ADAMTSL1: variants seen among roughly 807,000 people sequenced by gnomAD.
The protein encoded by ADAMTSL1 is ADAMTS like 1.
In ADAMTSL1, 126 loss-of-function variants were observed where a neutral mutation model predicts 201.8. That is an observed-to-expected ratio of 0.62 (90% CI 0.54 to 0.72). ADAMTSL1 has a LOEUF of 0.72. ADAMTSL1 is among the 30% of genes least tolerant of loss of function. The pLI, the probability that ADAMTSL1 is intolerant of heterozygous loss-of-function variation, is 0.00. For missense variants in ADAMTSL1, 2,679 were observed against 2,277.8 expected, an observed-to-expected ratio of 1.18 and a Z score of -3.59; for synonymous variants, 1,121 against 903.4, an observed-to-expected ratio of 1.24 and a Z score of -4.32.
At chr9:18,082,062 G>A (rs1443931651) in intron 1 of ADAMTSL1, among the ~76,000 whole-genome samples, 1 of 152,134 alleles carries the variant, frequency 6.6e-6, no homozygotes, top group Non-Finnish European at 1.5e-5. Flanking sequence ...ATTTTCCAGT[G>A]AAGTACTTTT....
intron 13 of ADAMTSL1, among the ~76,000 whole-genome samples, chr9:18,693,127 A>C (rs1222527580): frequency 6.6e-6 from 1 of 152,258 alleles, no homozygotes; most frequent in Non-Finnish European, 1.5e-5. Flanking sequence ...ACCTAGGAAC[A>C]GTTCCAAAAT....
intron 2 of ADAMTSL1, among the ~76,000 whole-genome samples, chr9:18,409,396 A>G (rs1195511496): frequency 1.3e-5 from 2 of 150,938 alleles, no homozygotes; most frequent in East Asian, 3.9e-4. Flanking sequence ...AAAAAAAAAA[A>G]AAAAAAAAGA....
At chr9:18,633,314 G>A (rs1474111119) in intron 5 of ADAMTSL1, among the ~76,000 whole-genome samples, 6 of 151,630 alleles carry the variant, frequency 4.0e-5, no homozygotes, top group South Asian at 2.1e-4. Flanking sequence ...AGTCTCGGCC[G>A]GGTGTGGTGG....
At chr9:18,205,298 C>G (rs1829603278) in intron 2 of ADAMTSL1, among the ~76,000 whole-genome samples, 1 of 152,060 alleles carries the variant, frequency 6.6e-6, no homozygotes, top group Non-Finnish European at 1.5e-5. Context: ...TAATTGAATT[C>G]TAAGAGAAGA....
At chr9:18,709,726 C>T (rs1300938458) in intron 14 of ADAMTSL1, among the ~76,000 whole-genome samples, 1 of 152,164 alleles carries the variant, frequency 6.6e-6, no homozygotes, top group Non-Finnish European at 1.5e-5. Flanking sequence ...TAATTTCCCA[C>T]ATGTGAACTG....
chr9:18,795,588 G>A lies in ADAMTSL1; in HGVS notation c.3805+64G>A, dbSNP rs540975674. ...TTTATTGAATGAGTGCCTATAGTGT[G>A]TCAAACAGGCCCAGAGATGCATAGA... On this transcript the variant is annotated intron_variant, in intron 20 of 28. Coordinates refer to ENST00000380548, the MANE Select transcript of ADAMTSL1 (RefSeq NM_001040272.6). 1.3e-4 allele frequency: 195 copies of A among 1,508,062 alleles called. No homozygotes were observed. In the African/African-American group the frequency reaches 2.5e-3, roughly 19 times the overall value. 93.4% of individuals were successfully genotyped at this position (1,508,062 alleles called of 1,614,324 possible). A position where few individuals can be genotyped will look rare whatever the true frequency, so the allele number is the denominator to read the frequency against.
chr9:18,053,730 C>A (rs1380864244), intron 1 of ADAMTSL1, among the ~76,000 whole-genome samples: 6 of 152,200 alleles, frequency 3.9e-5, no homozygotes, highest in Non-Finnish European at 8.8e-5. Context: ...ACTGACCACT[C>A]ACAATGTACC....
chr9:18,568,673 A>G (rs1253890158), intron 3 of ADAMTSL1, among the ~76,000 whole-genome samples: 1 of 151,856 alleles, frequency 6.6e-6, no homozygotes, highest in Non-Finnish European at 1.5e-5. Flanking sequence ...GTGGAGGGGC[A>G]GTATGGGGTT....
chr9:18,756,331 A>G (rs1442836359), intron 16 of ADAMTSL1, among the ~76,000 whole-genome samples: 1 of 151,352 alleles, frequency 6.6e-6, no homozygotes, highest in Non-Finnish European at 1.5e-5. Context: ...AGAAATCTCT[A>G]AACCTGGAGT....
intron 23 of ADAMTSL1, among the ~76,000 whole-genome samples, chr9:18,860,634 C>A (rs1827154415): frequency 6.6e-6 from 1 of 152,048 alleles, no homozygotes; most frequent in Admixed American, 6.6e-5. Flanking sequence ...TATGTAAACA[C>A]CTTATTGTAA....
Position 18,706,781 on chromosome 9 carries a change from A to G in ADAMTSL1, c.1609A>G (p.Thr537Ala). 1 of 1,608,088 alleles carries G rather than the reference A, an allele frequency of 6.2e-7. No individual in the cohort carries two copies. The highest frequency in any genetic ancestry group is 8.5e-7 in the Non-Finnish European group (1 of 1,177,248). ...IPEAWSACTV[T>A]CGVGTQVRIV... ...AGAGGCCTGGTCGGCCTGCACAGTC[A>G]CCTGTGGTGTGGGGACCCAGGTGCG... The change falls in exon 14 of 29, where the codon ACC (threonine) becomes GCC (alanine). Residue 537 changes from threonine to alanine, a missense_variant. Thr to Ala is a moderately conservative substitution (Grantham distance 58). Transcript: ENST00000380548.
At chr9:18,270,407 G>C (rs1003765792) in intron 2 of ADAMTSL1, among the ~76,000 whole-genome samples, 1 of 152,086 alleles carries the variant, frequency 6.6e-6, no homozygotes. Flanking sequence ...GGATAATTCA[G>C]CTGGAATCCT....
intron 16 of ADAMTSL1, among the ~76,000 whole-genome samples, chr9:18,757,736 T>C (rs933886506): frequency 6.6e-6 from 1 of 152,094 alleles, no homozygotes; most frequent in African/African-American, 2.4e-5. Context: ...CGTTACCCAC[T>C]CAGGTGCTTT....
intron 9 of ADAMTSL1, among the ~76,000 whole-genome samples, chr9:18,665,888 G>A (rs1564132209): frequency 1.3e-5 from 2 of 152,112 alleles, no homozygotes; most frequent in African/African-American, 2.4e-5. Flanking sequence ...TTAAAAGACT[G>A]TAATGAAAAC....
chr9:18,200,698 T>C (rs1829406896), intron 2 of ADAMTSL1, among the ~76,000 whole-genome samples: 1 of 152,046 alleles, frequency 6.6e-6, no homozygotes, highest in Admixed American at 6.6e-5. Flanking sequence ...AGAGTACTGA[T>C]TCAGAGCACT....
intron 2 of ADAMTSL1, among the ~76,000 whole-genome samples, chr9:18,508,950 C>T (rs982658347): frequency 1.1e-5 from 1 of 93,872 alleles, no homozygotes; most frequent in African/African-American, 5.3e-5. Flanking sequence ...TTTGGGAGGC[C>T]GAGGCGGGTG....
intron 2 of ADAMTSL1, among the ~76,000 whole-genome samples, chr9:18,323,160 C>T (rs1354726193): frequency 6.6e-6 from 1 of 152,122 alleles, no homozygotes; most frequent in Non-Finnish European, 1.5e-5. Context: ...AGATCAAATA[C>T]AGCAATATAC....
intron 5 of ADAMTSL1, among the ~76,000 whole-genome samples, chr9:18,628,568 G>C (rs1458590296): frequency 6.6e-6 from 1 of 152,022 alleles, no homozygotes; most frequent in Non-Finnish European, 1.5e-5. Context: ...CTGGGTCTTT[G>C]TCTTTCCATA....
intron 23 of ADAMTSL1, among the ~76,000 whole-genome samples, chr9:18,870,128 T>C (rs959560452): frequency 2.5e-4 from 38 of 152,214 alleles, no homozygotes; most frequent in Middle Eastern, 3.2e-3. Context: ...GTTCATTTAT[T>C]ATGAGTGTAT....
Sources: allele counts gnomAD v4.1 joint callset (sites outside exome capture counted in the v4.1 genomes callset), GRCh38; gene constraint gnomAD v4.1.1; transcripts MANE v1.5; gene names NCBI Gene and HGNC (gene_info 2026-07-23, HGNC 2026-07-21).